Variants in PLCE1 observed in about 807,000 individuals in gnomAD.
The protein encoded by PLCE1 is phospholipase C epsilon 1.
Under a neutral mutation model 242.8 loss-of-function variants are expected in PLCE1, and 119 were observed. The observed-to-expected ratio is 0.49, with a 90% CI of 0.42 to 0.57. PLCE1 has a LOEUF of 0.57. PLCE1 is among the 20% of genes least tolerant of loss of function. The pLI, the probability that PLCE1 is intolerant of heterozygous loss-of-function variation, is 0.00. For missense variants in PLCE1, 2,441 were observed against 2,788.8 expected (o/e 0.88, Z 2.81); for synonymous variants, 945 against 1,017.4 (o/e 0.93, Z 1.35).
At chr10:94,191,179 C>T (rs1163379099) in intron 4 of PLCE1, among the ~76,000 whole-genome samples, 1 of 152,180 alleles carries the variant, frequency 6.6e-6, no homozygotes, top group Non-Finnish European at 1.5e-5. Flanking sequence ...AGTACATTAA[C>T]AGAGCATTCA....
intron 2 of PLCE1, among the ~76,000 whole-genome samples, chr10:94,089,876 A>T (rs2044994643): frequency 6.6e-6 from 1 of 152,218 alleles, no homozygotes; most frequent in East Asian, 1.9e-4. Context: ...TGAAGTAGTT[A>T]TAGTTTTTTT....
Position 94,306,373 on chromosome 10 carries a change from G to A in PLCE1, c.5623-54G>A. The A allele has an allele frequency of 5.6e-6, 9 of 1,613,964 alleles. No individual in the cohort carries two copies. The South Asian group carries it at 9.9e-5, about 18-fold the overall frequency. On this transcript the variant is annotated intron_variant, in intron 25 of 32. Coordinates refer to ENST00000371380, the MANE Select transcript of PLCE1 (RefSeq NM_016341.4). The surrounding 1 kb of genome is among the most constrained non-coding windows in gnomAD (Gnocchi z 5.7). ...AGGGAAGCAGTGAGGTGCAGAGGTT[G>A]TCTTTCTTTTTTATCCTCGGTGACT...
At chr10:94,279,534 G>A (rs2133249937) in intron 19 of PLCE1, 2 of 528,828 alleles carry the variant, frequency 3.8e-6, no homozygotes, top group East Asian at 3.4e-5. Context: ...GGCTAGCTGG[G>A]CACTGCACAC....
At position 94,279,783 on chromosome 10, in the gene PLCE1, C is replaced by T. The variant is rs1358302667; in HGVS notation, c.4667C>T (p.Ala1556Val). 1 of 1,613,632 alleles carries T rather than the reference C, an allele frequency of 6.2e-7. No individual in the cohort carries two copies. Among genetic ancestry groups the T allele is most frequent in the Non-Finnish European group, 8.5e-7 (1 of 1,179,672 alleles). The stretch of plus-strand genomic sequence containing the variant: ...TTTACAATTATTGCTATTTTACAGG[C>T]TCATCAGTTAGCATCTATGCAAGTG... Reference protein sequence around the residue: ...QTPVDILKQKAHQLASMQVQA... With the variant: ...QTPVDILKQKVHQLASMQVQA... Residue 1556 changes from alanine to valine, a missense_variant and splice_region_variant, in exon 20 of 33, where the codon GCT (alanine) becomes GTT (valine). This residue lies in a region of PLCE1 where 1,004 missense variants were observed against 1,322.7 expected (regional missense o/e 0.76). Coordinates refer to ENST00000371380, the MANE Select transcript of PLCE1 (RefSeq NM_016341.4).
rs536673174 is a variant in PLCE1 at position 94,041,321 on chromosome 10, G to T, written c.1206+9069G>T. Among the ~76,000 whole-genome samples, 8 of 152,064 alleles carry T rather than the reference G, an allele frequency of 5.3e-5. No homozygotes were observed. In the East Asian group the frequency reaches 7.7e-4, roughly 15 times the overall value. On this transcript the variant is annotated intron_variant, in intron 2 of 32. Coordinates refer to ENST00000371380, the MANE Select transcript of PLCE1 (RefSeq NM_016341.4). ...ACTGCAGGCTTGTTAGCTGTCCTCC[G>T]CCTGACCCTCAGAGCTTGGAACCAG...
At chr10:94,080,215 T>A (rs2135224562) in intron 2 of PLCE1, among the ~76,000 whole-genome samples, 1 of 152,312 alleles carries the variant, frequency 6.6e-6, no homozygotes, top group East Asian at 1.9e-4. Flanking sequence ...CCTTGAGATG[T>A]CTTTAGATTC....
chr10:94,186,080 C>T lies in PLCE1; in HGVS notation c.1809+14584C>T, dbSNP rs184808445. 7.2e-5 allele frequency among the ~76,000 whole-genome samples: 11 copies of T among 152,228 alleles called. No homozygotes were observed. In the East Asian group the frequency reaches 2.1e-3, roughly 29 times the overall value. On this transcript the variant is annotated intron_variant, in intron 4 of 32. Coordinates refer to ENST00000371380, the MANE Select transcript of PLCE1 (RefSeq NM_016341.4). ...TCCTTACAAATTCCACTTGTCAGTCCCCAGGAGGAATAGTAAAAATTATAT... is the reference window on the plus strand; with the variant it reads ...TCCTTACAAATTCCACTTGTCAGTCTCCAGGAGGAATAGTAAAAATTATAT...
chr10:94,043,561 C>T (rs2061815113), intron 2 of PLCE1, among the ~76,000 whole-genome samples: 1 of 152,096 alleles, frequency 6.6e-6, no homozygotes, highest in African/African-American at 2.4e-5. Flanking sequence ...GGGAGTTTGG[C>T]AGTTGGAAAG....
At chr10:94,137,998 C>A in intron 3 of PLCE1, 1 of 381,440 alleles carries the variant, frequency 2.6e-6, no homozygotes, top group Non-Finnish European at 5.2e-6. Flanking sequence ...CTGAGTACAG[C>A]CAGCAGGCAC....
intron 4 of PLCE1, among the ~76,000 whole-genome samples, chr10:94,192,091 A>T (rs2048685898): frequency 6.6e-6 from 1 of 152,258 alleles, no homozygotes; most frequent in African/African-American, 2.4e-5. Flanking sequence ...GATGTGAACG[A>T]TGAGGAATGA....
intron 3 of PLCE1, among the ~76,000 whole-genome samples, chr10:94,141,560 AAGGG>A (rs1463182599): frequency 0.01 from 1,438 of 141,560 alleles, 126 homozygotes; most frequent in African/African-American, 0.037. Context: ...AGGGAAGGTG[AAGGG>A]AAGGCTAAGG....
At chr10:94,053,454 T>G (rs1287343141) in intron 2 of PLCE1, among the ~76,000 whole-genome samples, 1 of 152,260 alleles carries the variant, frequency 6.6e-6, no homozygotes, top group East Asian at 1.9e-4. Flanking sequence ...CTTTATTTGT[T>G]AGCACGCATG....
At chr10:94,022,209 TG>T (rs2061386668) in intron 1 of PLCE1, among the ~76,000 whole-genome samples, 2 of 152,004 alleles carry the variant, frequency 1.3e-5, no homozygotes, top group Non-Finnish European at 2.9e-5. Context: ...TAATTTATGT[TG>T]TCTATAAATA....
At chr10:94,289,540 A>G (rs1201292054) in intron 22 of PLCE1, among the ~76,000 whole-genome samples, 1 of 152,208 alleles carries the variant, frequency 6.6e-6, no homozygotes, top group African/African-American at 2.4e-5. Context: ...CTACACACCT[A>G]GGCTAGATGG....
chr10:94,220,477 C>G (rs2049702708), intron 4 of PLCE1, among the ~76,000 whole-genome samples: 1 of 139,526 alleles, frequency 7.2e-6, no homozygotes, highest in Non-Finnish European at 1.5e-5. Context: ...GCCAGGGAAG[C>G]CTTGAGAGAA....
rs368531853 is a variant in PLCE1 at position 94,298,397 on chromosome 10, G to A, written c.5186G>A (p.Arg1729Gln). 3.7e-5 allele frequency: 59 copies of A among 1,613,932 alleles called. 1 individual carries two copies. In the Middle Eastern group the frequency reaches 6.6e-4, roughly 18 times the overall value. The stretch of plus-strand genomic sequence containing the variant: ...GGTTTAGGTTCCTGTGAAGGCATTC[G>A]ACAGACCTGGGAGGAATCTTCTTCC... ...TSGKSSCEGI[R>Q]QTWEESSSPL... The change falls in exon 24 of 33, where the codon CGA (arginine) becomes CAA (glutamine). Residue 1729 changes from arginine to glutamine, a missense_variant. Physicochemically the swap from Arg to Gln is conservative, Grantham distance 43 (BLOSUM62 1). Around this residue, in one of 5 missense-constraint regions of PLCE1, gnomAD observed 1,004 missense variants for 1,322.7 expected, o/e 0.76. Coordinates refer to ENST00000371380, the MANE Select transcript of PLCE1 (RefSeq NM_016341.4). This position sits in a 1 kb window ranked among gnomAD's most constrained non-coding sequence, Gnocchi z 5.2.
chr10:94,038,236 G>A (rs1290626076), intron 2 of PLCE1, among the ~76,000 whole-genome samples: 3 of 152,052 alleles, frequency 2.0e-5, no homozygotes, highest in Non-Finnish European at 2.9e-5. Context: ...CAGCATTCAA[G>A]GATTTGAAGC....
In PLCE1 at chr10:94,046,991, AT is replaced by A. The variant is rs542485681; in HGVS notation, c.1206+14746del. ...TTTTATTCTTTTTTAAAATTTTGTT[AT>A]TTTTTTATAAATAACCTTTTTAAAA... On this transcript the variant is annotated intron_variant, in intron 2 of 32. Transcript: ENST00000371380. 7.2e-5 allele frequency among the ~76,000 whole-genome samples: 11 copies of A among 152,134 alleles called. No individual in the cohort carries two copies. In the South Asian group the frequency reaches 2.3e-3, roughly 32 times the overall value.
chr10:94,223,611 G>A (rs965140287), intron 4 of PLCE1, among the ~76,000 whole-genome samples: 16 of 152,286 alleles, frequency 1.1e-4, no homozygotes, highest in African/African-American at 3.9e-4. Flanking sequence ...AGATATTTTG[G>A]GAGGGGCAGT....
Sources: gnomAD v4.1 joint callset for allele counts (sites outside exome capture counted in the v4.1 genomes callset) on GRCh38, gnomAD v4.1.1 for gene constraint, gnomAD v4.1.1 regional missense constraint, Gnocchi (gnomAD v3.1) non-coding constraint, MANE v1.5 for transcripts, NCBI Gene and HGNC (gene_info 2026-07-23, HGNC 2026-07-21) for gene names.